MYO16: variants seen among roughly 807,000 people sequenced by gnomAD.
MYO16 encodes myosin XVI, also known as unconventional myosin-XVI.
MYO16 carries 94 observed loss-of-function variants against 205.3 expected under a neutral mutation model. The ratio of observed to expected loss-of-function variants is 0.46; its 90% CI spans 0.39 to 0.54. MYO16 has a LOEUF of 0.54. Among genes scored for constraint, MYO16 ranks in the 20% least tolerant of loss-of-function variants. MYO16 has a pLI of 0.00. For synonymous variants in MYO16, 988 were observed against 954.0 expected, an observed-to-expected ratio of 1.04 and a Z score of -0.66; for missense variants, 2,315 against 2,387.5, an observed-to-expected ratio of 0.97 and a Z score of 0.63.
intron 22 of MYO16, among the ~76,000 whole-genome samples, chr13:109,012,442 C>T (rs1046483652): frequency 3.3e-5 from 5 of 152,152 alleles, no homozygotes; most frequent in Admixed American, 6.5e-5. Flanking sequence ...TCTAGCTGCA[C>T]ACTCCTTATG....
chr13:108,595,829 G>T (rs1878536563), upstream of MYO16, among the ~76,000 whole-genome samples: 1 of 142,980 alleles, frequency 7.0e-6, no homozygotes, highest in African/African-American at 2.6e-5. Flanking sequence ...TGGTTTTACA[G>T]AAAAAAAGGA....
At chr13:108,591,135 G>C in the MYO16 span, among the ~76,000 whole-genome samples, 1 of 152,204 alleles carries the variant, frequency 6.6e-6, no homozygotes, top group Admixed American at 6.5e-5. Context: ...GAAGTCCCAG[G>C]TCCCTCACCT....
chr13:108,938,584 C>T (rs577584960), intron 16 of MYO16, among the ~76,000 whole-genome samples: 23 of 152,386 alleles, frequency 1.5e-4, no homozygotes, highest in South Asian at 8.3e-4. Flanking sequence ...TAACCTCCTA[C>T]TCCAGGAGAG....
chr13:108,703,467 G>C (rs532472789), intron 2 of MYO16, among the ~76,000 whole-genome samples: 10 of 152,274 alleles, frequency 6.6e-5, no homozygotes, highest in Non-Finnish European at 5.9e-5. Flanking sequence ...AGCATTCATA[G>C]ATATTTGAAT....
chr13:108,866,241 T>A lies in MYO16; in HGVS notation c.1424T>A (p.Met475Lys), dbSNP rs768315324. Residue 475 changes from methionine (M) to lysine (K), a missense_variant and splice_region_variant, in exon 12 of 35, where the codon ATG becomes AAG. Transcript: ENST00000457511. ...PYKELPIYSS[M>K]VSQLYFSSSG... ...AAGGAGCTTCCAATTTATTCTTCCA[T>A]GGTGAGCACAAAATTTTAAATATCA... The A allele has an allele frequency of 2.1e-5, 33 of 1,577,222 alleles. No homozygotes were observed. The highest frequency in any genetic ancestry group is 2.8e-5 in the Non-Finnish European group (32 of 1,150,808).
chr13:108,920,593 G>A (rs1026238075), intron 16 of MYO16, among the ~76,000 whole-genome samples: 1 of 152,102 alleles, frequency 6.6e-6, no homozygotes, highest in East Asian at 1.9e-4. Flanking sequence ...CGAGTAGCTG[G>A]GATTACAGGT....
intron 32 of MYO16, among the ~76,000 whole-genome samples, chr13:109,152,686 A>G (rs868702984): frequency 1.3e-5 from 2 of 152,162 alleles, no homozygotes; most frequent in Non-Finnish European, 2.9e-5. Flanking sequence ...ACCCTCTGCA[A>G]TAGCTTTAGA....
chr13:108,968,942 C>T (rs1354653783), intron 20 of MYO16, among the ~76,000 whole-genome samples: 1 of 152,216 alleles, frequency 6.6e-6, no homozygotes, highest in Non-Finnish European at 1.5e-5. Context: ...AAGAGACTTA[C>T]AGCTAAAGGG....
chr13:108,853,954 T>TTGTGTATGTG (rs1709335569), intron 10 of MYO16, among the ~76,000 whole-genome samples: 1 of 138,500 alleles, frequency 7.2e-6, no homozygotes. Flanking sequence ...GTTTCTATTA[T>TTGTGTATGTG]TGTGTGTGTG....
chr13:108,714,247 G>C (rs1419677417), intron 3 of MYO16, among the ~76,000 whole-genome samples: 2 of 152,102 alleles, frequency 1.3e-5, no homozygotes, highest in African/African-American at 4.8e-5. Flanking sequence ...AGTAGAGATG[G>C]GGTTTCACCA....
intron 16 of MYO16, among the ~76,000 whole-genome samples, chr13:108,934,088 A>G (rs1882377607): frequency 6.6e-6 from 1 of 152,148 alleles, no homozygotes; most frequent in Admixed American, 6.5e-5. Flanking sequence ...TTTTGGTAGA[A>G]TGATTTCTTT....
chr13:108,674,550 G>A (rs1032625270), intron 2 of MYO16, among the ~76,000 whole-genome samples: 1 of 152,144 alleles, frequency 6.6e-6, no homozygotes. Context: ...ACATAAATTG[G>A]CAGTTTGAAA....
the MYO16 span, among the ~76,000 whole-genome samples, chr13:108,561,958 G>A: frequency 1.3e-5 from 2 of 152,154 alleles, no homozygotes; most frequent in Non-Finnish European, 2.9e-5. Context: ...GCATTTGTGA[G>A]CCTGCACTCT....
intron 9 of MYO16, among the ~76,000 whole-genome samples, chr13:108,832,378 G>T (rs1467286889): frequency 6.6e-6 from 1 of 151,916 alleles, no homozygotes; most frequent in Admixed American, 6.6e-5. Flanking sequence ...CTGACCTCAG[G>T]TGATCCACCC....
At chr13:109,018,944 C>A (rs1181132639) in intron 22 of MYO16, among the ~76,000 whole-genome samples, 2 of 151,862 alleles carry the variant, frequency 1.3e-5, no homozygotes, top group African/African-American at 4.8e-5. Flanking sequence ...TCCTATTCGG[C>A]CATCTTGGAC....
Position 109,135,129 on chromosome 13 carries a change from C to A in MYO16, c.4052-5135C>A, listed in dbSNP as rs1876714267. 1.3e-5 allele frequency among the ~76,000 whole-genome samples: 2 copies of A among 152,178 alleles called. 1 individual carries two copies. Among genetic ancestry groups the A allele is most frequent in the South Asian group, 4.1e-4 (2 of 4,822 alleles). On this transcript the variant is annotated intron_variant, in intron 31 of 34. Coordinates refer to ENST00000457511, the MANE Select transcript of MYO16 (RefSeq NM_001198950.3). ...TAAAAAGACAAGTTGCCTGATCCCC[C>A]CACACAAGCAAAATGCATCAGAGGG... is the stretch of plus-strand genomic sequence containing the variant.
chr13:109,017,324 C>T (rs971124721), intron 22 of MYO16, among the ~76,000 whole-genome samples: 11 of 152,138 alleles, frequency 7.2e-5, no homozygotes, highest in African/African-American at 1.4e-4. Flanking sequence ...CGGTTTCTGC[C>T]GAGAGATCCA....
At chr13:108,556,415 G>A in the MYO16 span, among the ~76,000 whole-genome samples, 39 of 152,116 alleles carry the variant, frequency 2.6e-4, no homozygotes, top group African/African-American at 6.7e-4. Context: ...ATACCCGTTG[G>A]CCATTTGTAT....
At chr13:108,808,353 C>T (rs1421779446) in intron 7 of MYO16, among the ~76,000 whole-genome samples, 1 of 149,808 alleles carries the variant, frequency 6.7e-6, no homozygotes, top group Admixed American at 6.6e-5. Flanking sequence ...TTTTTTTTGC[C>T]CAGGCTATAG....
Sources: gnomAD v4.1 joint callset for allele counts (sites outside exome capture counted in the v4.1 genomes callset) on GRCh38, gnomAD v4.1.1 for gene constraint, MANE v1.5 for transcripts, NCBI Gene and HGNC (gene_info 2026-07-23, HGNC 2026-07-21) for gene names.